HMCN2: variants seen among roughly 807,000 people sequenced by gnomAD.
HMCN2 encodes the protein hemicentin-2.
Under a neutral mutation model 377.5 loss-of-function variants are expected in HMCN2, and 325 were observed. That is an observed-to-expected ratio of 0.86 (90% confidence interval 0.79 to 0.94). HMCN2 has a LOEUF of 0.94. Among genes scored for constraint, HMCN2 ranks in the 40% least tolerant of loss-of-function variants. HMCN2 has a pLI of 0.00. For missense variants in HMCN2, 4,543 were observed against 4,725.3 expected (o/e 0.96, Z 1.13); for synonymous variants, 2,007 against 2,046.8 (o/e 0.98, Z 0.53).
intron 59 of HMCN2, among the ~76,000 whole-genome samples, chr9:130,385,052 T>C (rs1841946841): frequency 1.3e-5 from 2 of 152,142 alleles, no homozygotes; most frequent in African/African-American, 2.4e-5. Flanking sequence ...AGGCTCGTGG[T>C]CTTCAGAATC....
chr9:130,421,797 C>T (rs1365744593), intron 86 of HMCN2, among the ~76,000 whole-genome samples: 3 of 152,222 alleles, frequency 2.0e-5, no homozygotes, highest in Admixed American at 2.0e-4. Context: ...CCCAAATTAA[C>T]CAGCCCCTTG....
rs964961524 is a variant in HMCN2, at chr9:130,365,289, C to T, written c.6409-342C>T. Among the ~76,000 whole-genome samples the T allele has an allele frequency of 1.3e-4, 20 of 152,360 alleles. No homozygotes were observed. The Middle Eastern group carries it at 0.01, about 78-fold the overall frequency. On this transcript the variant is annotated intron_variant, in intron 41 of 97. Transcript: ENST00000683500. ...CAGCCTCATTCCTCCACCTTCTCTT[C>T]GGGTCTGTTTTCTTGAGCTTTCCAA...
At chr9:130,388,894 G>A (rs1220348500) in intron 62 of HMCN2, among the ~76,000 whole-genome samples, 1 of 152,172 alleles carries the variant, frequency 6.6e-6, no homozygotes, top group Non-Finnish European at 1.5e-5. Context: ...GGCCCCCAGA[G>A]CTGCTCCTTG....
chr9:130,339,220 A>G (rs1158694413), intron 23 of HMCN2, among the ~76,000 whole-genome samples: 1 of 152,188 alleles, frequency 6.6e-6, no homozygotes, highest in Non-Finnish European at 1.5e-5. Context: ...AGTGTTTATA[A>G]ATACAAGTTT....
intron 29 of HMCN2, among the ~76,000 whole-genome samples, chr9:130,350,416 G>T (rs1839646345): frequency 1.4e-5 from 2 of 144,368 alleles, no homozygotes; most frequent in Non-Finnish European, 1.5e-5. Flanking sequence ...AAATAGCCAG[G>T]CATGGTGGCA....
intron 41 of HMCN2, 48 bp from the exon 42 acceptor site, chr9:130,365,583 C>T: frequency 4.4e-6 from 4 of 903,074 alleles, no homozygotes; most frequent in Non-Finnish European, 5.3e-6. Context: ...CCAGGGCTCA[C>T]CCATCTCTGT....
At chr9:130,306,053 G>T in intron 11 of HMCN2, 76 bp from the exon 12 acceptor site, 1 of 449,044 alleles carries the variant, frequency 2.2e-6, no homozygotes, top group Non-Finnish European at 4.7e-6. Context: ...GAGGGGAAGA[G>T]CCCGGGGCGG....
rs1386998215 is a variant in HMCN2 at position 130,282,171 on chromosome 9, C to T, written c.260-2432C>T. ...TGTCTTTGACTGCACTGTGTGAGAA[C>T]ACCCGCTGGAGCCTGGCCAAGGGCA... On this transcript the variant is annotated intron_variant, in intron 1 of 97. Coordinates refer to ENST00000683500, the MANE Select transcript of HMCN2 (RefSeq NM_001291815.2). 2.6e-5 allele frequency among the ~76,000 whole-genome samples: 4 copies of T among 152,330 alleles called. No individual in the cohort carries two copies. In the Middle Eastern group the frequency reaches 0.01, roughly 389 times the overall value.
In HMCN2 at chr9:130,325,964, G is replaced by A. The variant is rs1838113770; in HGVS notation, c.3187G>A (p.Val1063Ile). The change falls in exon 21 of 98, where the codon GTC (valine) becomes ATC (isoleucine). Residue 1063 changes from valine (V) to isoleucine (I), a missense_variant. Physicochemically the swap from Val to Ile is conservative, Grantham distance 29. Transcript: ENST00000683500. ...GFSSQEMRLS[V>I]NTKPRIHMNG... ...TTCTAGCCAGGAGATGCGACTTTCT[G>A]TCAACAGTGAGTGATGCCAACCCTG... 1 of 152,340 alleles carries A rather than the reference G, an allele frequency of 6.6e-6. No individual in the cohort carries two copies. 9.4% of individuals were successfully genotyped at this position (152,340 alleles called of 1,614,324 possible). A position where few individuals can be genotyped will look rare whatever the true frequency, so the allele number is the denominator to read the frequency against.
chr9:130,385,448 G>A (rs1329892557), intron 59 of HMCN2, 112 bp from the exon 60 acceptor site: 55 of 645,016 alleles, frequency 8.5e-5, no homozygotes, highest in Non-Finnish European at 1.3e-4. Flanking sequence ...AGCCCCCGGG[G>A]CTGGGTCTGC....
At chr9:130,370,577 T>G (rs1840966322) in intron 45 of HMCN2, among the ~76,000 whole-genome samples, 1 of 152,244 alleles carries the variant, frequency 6.6e-6, no homozygotes, top group Admixed American at 6.5e-5. Flanking sequence ...ACTGCAGCGT[T>G]GCCACTTAGC....
chr9:130,304,288 C>A lies in HMCN2; in HGVS notation c.1544-442C>A, dbSNP rs1209643556. 2.0e-5 allele frequency among the ~76,000 whole-genome samples: 3 copies of A among 152,168 alleles called. No individual in the cohort carries two copies. The highest frequency in any genetic ancestry group is 7.2e-5 in the African/African-American group (3 of 41,440). ...GCTATCCAGATAGCAGTTTGCTTAG[C>A]GCTTTCCTCCTTGGGGGCATATTTG... On this transcript the variant is annotated intron_variant, in intron 10 of 97. Transcript: ENST00000683500. This position sits in a 1 kb window ranked among gnomAD's most constrained non-coding sequence, Gnocchi z 4.3.
chr9:130,391,804 A>G (rs926945506), intron 65 of HMCN2, 131 bp from the exon 66 acceptor site: 1 of 573,966 alleles, frequency 1.7e-6, no homozygotes, highest in Non-Finnish European at 2.2e-6. Context: ...AGCGGGCCTC[A>G]TCCTTCACAA....
chr9:130,326,637 G>C (rs1471679630), intron 21 of HMCN2, among the ~76,000 whole-genome samples: 1 of 151,988 alleles, frequency 6.6e-6, no homozygotes, highest in Non-Finnish European at 1.5e-5. Flanking sequence ...ACAAATGTAC[G>C]GGGAACACGG....
Position 130,433,385 on chromosome 9 carries a change from G to C in HMCN2, c.14932G>C (p.Gly4978Arg). Residue 4978 changes from glycine to arginine, a missense_variant, in exon 98 of 98, where the codon GGC (glycine) becomes CGC (arginine). Around this residue, in one of 5 missense-constraint regions of HMCN2, gnomAD observed 1,155 missense variants for 1,157.7 expected, o/e 1.00. Transcript: ENST00000683500. ...GCGCTGCTCGCAGGACTGCGGCACG[G>C]GCGGCCCCTCTACGCTGCAGTACCG... ...FRRCSQDCGT[G>R]GPSTLQYRLL... The C allele has an allele frequency of 6.7e-7, 1 of 1,481,904 alleles. No individual in the cohort carries two copies. 91.8% of individuals were successfully genotyped at this position (1,481,904 alleles called of 1,614,324 possible). A position where few individuals can be genotyped will look rare whatever the true frequency, so the allele number is the denominator to read the frequency against.
At chr9:130,299,391 G>C (rs970216649) in intron 8 of HMCN2, 103 bp downstream of exon 8, 6 of 361,614 alleles carry the variant, frequency 1.7e-5, no homozygotes, top group African/African-American at 2.2e-5. Flanking sequence ...AGATTAGAAA[G>C]TGTTTGTTCA....
chr9:130,433,651 C>T lies in HMCN2; in HGVS notation c.15198C>T (p.Ser5066=), dbSNP rs1438998947. The change falls in exon 98 of 98, where the codon AGC becomes AGT. Residue 5066 remains serine, a synonymous_variant. Coordinates refer to ENST00000683500, the MANE Select transcript of HMCN2 (RefSeq NM_001291815.2). ...TVRAAAPRHQ[S]VFVLLIAVSP... is the part of the protein sequence containing the mutation. ...GTGCTGCGGCACCGCGCCACCAAAG[C>T]GTCTTCGTCTTGCTCATCGCCGTGT... 1 of 1,516,304 alleles carries T rather than the reference C, an allele frequency of 6.6e-7. No individual in the cohort carries two copies. The highest frequency in any genetic ancestry group is 8.8e-7 in the Non-Finnish European group (1 of 1,133,512). 93.9% of individuals were successfully genotyped at this position (1,516,304 alleles called of 1,614,324 possible). A position where few individuals can be genotyped will look rare whatever the true frequency, so the allele number is the denominator to read the frequency against.
chr9:130,372,498 A>T (rs1253013768), intron 47 of HMCN2, 91 bp downstream of exon 47: 4 of 290,362 alleles, frequency 1.4e-5, no homozygotes, highest in African/African-American at 9.1e-5. Flanking sequence ...CTCATGGCTC[A>T]TGCTGTAGCA....
rs114690269 is a variant in HMCN2 at position 130,392,141 on chromosome 9, C to G, written c.10136+23C>G. ...CAGGTAGGGGAGACGGTGGACAGGC[C>G]TTGGCTATTCCACTCAGAGTGGACA... is the stretch of plus-strand genomic sequence containing the variant. On this transcript the variant is annotated intron_variant, in intron 66 of 97. Transcript: ENST00000683500. 2.0e-3 allele frequency: 1,974 copies of G among 987,970 alleles called. 34 individuals carry two copies. In the African/African-American group the frequency reaches 0.032, roughly 16 times the overall value. The allele number at this position is 987,970 out of a possible 1,614,324, so 61.2% of individuals were successfully genotyped here.
Sources: gnomAD v4.1 joint callset for allele counts (sites outside exome capture counted in the v4.1 genomes callset) on GRCh38, gnomAD v4.1.1 for gene constraint, gnomAD v4.1.1 regional missense constraint, Gnocchi (gnomAD v3.1) non-coding constraint, MANE v1.5 for transcripts, NCBI Gene and HGNC (gene_info 2026-07-23, HGNC 2026-07-21) for gene names.